The following GRK4 variants were observed in gnomAD, a reference collection of about 807,000 sequenced individuals.
GRK4 encodes the protein G protein-coupled receptor kinase 2-like.
In GRK4, 73 loss-of-function variants were observed where a neutral mutation model predicts 77.9. The ratio of observed to expected loss-of-function variants is 0.94; its 90% confidence interval spans 0.78 to 1.14. The LOEUF (loss-of-function observed/expected upper bound fraction) is 1.14. GRK4 is among the 50% of genes most tolerant of loss of function. The probability of loss-of-function intolerance (pLI) is 0.00; values close to 1 mark genes in which losing one functional copy is unlikely to be tolerated. For synonymous variants in GRK4, 257 were observed against 254.4 expected, an observed-to-expected ratio of 1.01 and a Z score of -0.10; for missense variants, 729 against 700.2, an observed-to-expected ratio of 1.04 and a Z score of -0.46.
At chr4:3,002,788 G>T (rs1730219494) in intron 4 of GRK4, among the ~76,000 whole-genome samples, 1 of 152,120 alleles carries the variant, frequency 6.6e-6, no homozygotes, top group South Asian at 2.1e-4. Context: ...GAGCCCAGGA[G>T]GTGGAGGCTG....
At position 3,014,296 on chromosome 4, in the gene GRK4, C is replaced by CTTTTTTTT. The variant is rs60684225; in HGVS notation, c.741+479_741+486dup. 1.0e-2 allele frequency among the ~76,000 whole-genome samples: 1,186 copies of CTTTTTTTT among 118,906 alleles called. 35 individuals carry two copies. Among genetic ancestry groups the CTTTTTTTT allele is most frequent in the African/African-American group, 0.039 (1,133 of 29,084 alleles). The allele number at this position is 118,906 out of a possible 152,430, so 78.0% of individuals were successfully genotyped here. On this transcript the variant is annotated intron_variant, in intron 8 of 15. Coordinates refer to ENST00000398052, the MANE Select transcript of GRK4 (RefSeq NM_182982.3). ...GAGGATACCTTCTCTCTCTCTCTCT[C>CTTTTTTTT]TTTTTTTTTTTTTTTTTTGACACAG... is the stretch of plus-strand genomic sequence containing the variant.
chr4:3,020,962 A>T (rs1041128770), intron 9 of GRK4, among the ~76,000 whole-genome samples: 16 of 152,180 alleles, frequency 1.1e-4, no homozygotes, highest in African/African-American at 3.9e-4. Context: ...GATTTAAAGT[A>T]ATTGGGAGGA....
chr4:3,038,251 A>C (rs1344863401), intron 14 of GRK4, 125 bp from the exon 15 acceptor site: 2 of 1,211,030 alleles, frequency 1.7e-6, no homozygotes, highest in Middle Eastern at 2.2e-4. Flanking sequence ...AAGGGGCCCC[A>C]CAGTGGGTGC....
Position 3,022,441 on chromosome 4 carries a change from T to G in GRK4, c.960T>G (p.Leu320=). The G allele has an allele frequency of 1.2e-6, 2 of 1,614,004 alleles. No individual in the cohort carries two copies. Among genetic ancestry groups the G allele is most frequent in the Non-Finnish European group, 1.7e-6 (2 of 1,179,960 alleles). The change falls in exon 10 of 16, where the codon CTT becomes CTG. Residue 320 remains leucine (L), a synonymous_variant. Transcript: ENST00000398052. ...YRDLKPENIL[L]DDRGHIRISD... is the part of the protein sequence containing the mutation. ...ACTTGAAGCCTGAGAATATTCTCCT[T>G]GATGATCGTGGTAAGTGGGCAAGCC...
intron 1 of GRK4, among the ~76,000 whole-genome samples, chr4:2,970,640 C>T (rs1190391579): frequency 2.7e-5 from 4 of 149,032 alleles, no homozygotes; most frequent in Non-Finnish European, 3.0e-5. Flanking sequence ...CCTGGCGACA[C>T]GGTGAGACTC....
rs1431635990 is a variant in GRK4, at chr4:2,964,092, G to A, written c.22G>A (p.Ala8Thr). MELENIV[A>T]NSLLLKARQG... ...GGACATGGAGCTCGAGAACATCGTG[G>A]CCAACTCGCTGCTGCTGAAAGCGCG... Residue 8 changes from alanine (A) to threonine (T), a missense_variant, in exon 1 of 16, where the codon GCC becomes ACC. By Grantham distance (58) the Ala-to-Thr change is moderately conservative. Transcript: ENST00000398052. 1 of 1,608,548 alleles carries A rather than the reference G, an allele frequency of 6.2e-7. No individual in the cohort carries two copies. Among genetic ancestry groups the A allele is most frequent in the African/African-American group, 1.3e-5 (1 of 74,962 alleles).
At chr4:3,035,573 A>G (rs372577229) in intron 13 of GRK4, 50 bp downstream of exon 13, 4 of 1,543,766 alleles carry the variant, frequency 2.6e-6, no homozygotes, top group African/African-American at 2.8e-5. Context: ...TGATCCGCAC[A>G]GCACGGTTTT....
At chr4:3,001,322 C>CAT (rs1201639489) in intron 4 of GRK4, among the ~76,000 whole-genome samples, 1 of 128,844 alleles carries the variant, frequency 7.8e-6, no homozygotes, top group African/African-American at 3.0e-5. Context: ...TGTGTGAGTA[C>CAT]ATATACACAC....
At chr4:3,035,261 A>AG in intron 12 of GRK4, 125 bp from the exon 13 acceptor site, 1 of 997,950 alleles carries the variant, frequency 1.0e-6, no homozygotes, top group Non-Finnish European at 1.6e-6. Flanking sequence ...AGAAAAAAAA[A>AG]GAAATGATTT....
At chr4:3,019,183 G>T (rs991603222) in intron 8 of GRK4, among the ~76,000 whole-genome samples, 2 of 152,186 alleles carry the variant, frequency 1.3e-5, no homozygotes, top group South Asian at 2.1e-4. Flanking sequence ...AATTAAGACC[G>T]CAGTAAGAGA....
At chr4:2,973,320 G>C (rs1720130663) in intron 1 of GRK4, among the ~76,000 whole-genome samples, 1 of 152,062 alleles carries the variant, frequency 6.6e-6, no homozygotes, top group South Asian at 2.1e-4. Flanking sequence ...CTTTGTCCAG[G>C]GGCTTCTCGC....
At chr4:3,002,745 G>C (rs1478635047) in intron 4 of GRK4, among the ~76,000 whole-genome samples, 7 of 152,062 alleles carry the variant, frequency 4.6e-5, no homozygotes, top group Non-Finnish European at 1.0e-4. Flanking sequence ...CATAGTCCCT[G>C]CTACTTGGGA....
chr4:3,001,177 G>A (rs1178423438), intron 4 of GRK4, among the ~76,000 whole-genome samples: 1 of 112,780 alleles, frequency 8.9e-6, no homozygotes, highest in Non-Finnish European at 1.8e-5. Flanking sequence ...ATGTATATAT[G>A]TGTATGTGTA....
intron 1 of GRK4, chr4:2,969,179 A>C (rs761357013): frequency 5.9e-5 from 9 of 152,292 alleles, no homozygotes; most frequent in Admixed American, 2.0e-4. Context: ...CACTGGATAG[A>C]GGAGCGATTG....
chr4:3,039,003 G>T (rs972302759), intron 15 of GRK4: 13 of 153,644 alleles, frequency 8.5e-5, no homozygotes, highest in African/African-American at 2.9e-4. Flanking sequence ...ATCACCTGAG[G>T]TCAGGAGTTT....
At chr4:3,032,709 A>G (rs1261285109) in intron 12 of GRK4, among the ~76,000 whole-genome samples, 1 of 152,226 alleles carries the variant, frequency 6.6e-6, no homozygotes, top group Admixed American at 6.5e-5. Flanking sequence ...AATGTAGATG[A>G]GAGTAGCTCT....
chr4:2,984,383 A>T (rs1419127455), intron 1 of GRK4, 130 bp from the exon 2 acceptor site: 1 of 494,926 alleles, frequency 2.0e-6, no homozygotes, highest in South Asian at 3.0e-5. Flanking sequence ...TATTATAAGC[A>T]TGTATTTTTA....
rs149710316 is a variant in GRK4 at position 3,031,164 on chromosome 4, C to T, written c.1269+1755C>T. On this transcript the variant is annotated intron_variant, in intron 12 of 15. Coordinates refer to ENST00000398052, the MANE Select transcript of GRK4 (RefSeq NM_182982.3). ...AGTGGGGAGGACAGCAGCCAGCGCA[C>T]GGGGAGTGTGTGGGCAGTTCCTCCA... Among the ~76,000 whole-genome samples the T allele has an allele frequency of 1.4e-4, 21 of 152,200 alleles. No individual in the cohort carries two copies. In the East Asian group the frequency reaches 3.1e-3, roughly 22 times the overall value.
At chr4:3,038,352 T>C in intron 14 of GRK4, 24 bp from the exon 15 acceptor site, 1 of 1,613,618 alleles carries the variant, frequency 6.2e-7, no homozygotes, top group Non-Finnish European at 8.5e-7. Flanking sequence ...GCGGCTTCTC[T>C]GTCCTGTTAT....
Sources: gnomAD v4.1 joint callset for allele counts (sites outside exome capture counted in the v4.1 genomes callset) on GRCh38, gnomAD v4.1.1 for gene constraint, MANE v1.5 for transcripts, NCBI Gene and HGNC (gene_info 2026-07-23, HGNC 2026-07-21) for gene names.